The following PCDHGB6 variants were observed in gnomAD, a reference collection of about 807,000 sequenced individuals.
The protein encoded by PCDHGB6 is protocadherin gamma-B6.
Under a neutral mutation model 59.1 loss-of-function variants are expected in PCDHGB6, and 51 were observed. That is an observed-to-expected ratio of 0.86 (90% CI 0.69 to 1.09). The LOEUF is 1.09. Among genes scored for constraint, PCDHGB6 ranks in the 50% least tolerant of loss-of-function variants. The probability of loss-of-function intolerance (pLI) is 0.00; values close to 1 mark genes in which losing one functional copy is unlikely to be tolerated. For synonymous variants in PCDHGB6, 466 were observed against 495.1 expected, an observed-to-expected ratio of 0.94 and a Z score of 0.78; for missense variants, 1,148 against 1,205.1, an observed-to-expected ratio of 0.95 and a Z score of 0.70.
chr5:141,413,838 G>A, intron 1 of PCDHGB6: 1 of 1,613,284 alleles, frequency 6.2e-7, no homozygotes, highest in Non-Finnish European at 8.5e-7. Context: ...CCTCCGACGG[G>A]GGTGACCCTC....
chr5:141,422,842 G>A (rs756990417), intron 1 of PCDHGB6: 5 of 1,614,228 alleles, frequency 3.1e-6, no homozygotes, highest in South Asian at 1.1e-5. Flanking sequence ...ACGTGACAGC[G>A]GGGACCCGCC....
At chr5:141,416,033 C>T (rs770398549) in intron 1 of PCDHGB6, 22 of 202,600 alleles carry the variant, frequency 1.1e-4, no homozygotes, top group Non-Finnish European at 1.9e-4. Flanking sequence ...AAAGAAATCA[C>T]CTCTGGAAAC....
chr5:141,431,604 G>C lies in PCDHGB6; in HGVS notation c.2418+20984G>C. 1 of 1,614,206 alleles carries C rather than the reference G, an allele frequency of 6.2e-7. No individual in the cohort carries two copies. Among genetic ancestry groups the C allele is most frequent in the South Asian group, 1.1e-5 (1 of 91,088 alleles). On this transcript the variant is annotated intron_variant, in intron 1 of 3. Coordinates refer to ENST00000520790, the MANE Select transcript of PCDHGB6 (RefSeq NM_018926.3). The surrounding 1 kb of genome is among the most constrained non-coding windows in gnomAD (Gnocchi z 4.8). ...AATGCGGAAGTGAGGTATTCCTTCC[G>C]GTATGTGGACGACAAGGCGGCCCAA...
At chr5:141,479,561 G>A (rs1032137833) in intron 1 of PCDHGB6, 1 of 152,270 alleles carries the variant, frequency 6.6e-6, no homozygotes, top group African/African-American at 2.4e-5. Context: ...CTATCCAGTA[G>A]TGGGATGACA....
At chr5:141,465,032 A>C (rs2154568703) in intron 1 of PCDHGB6, among the ~76,000 whole-genome samples, 1 of 151,870 alleles carries the variant, frequency 6.6e-6, no homozygotes, top group Admixed American at 6.6e-5. Context: ...ATGAACCACC[A>C]CAAATGACCC....
intron 1 of PCDHGB6, chr5:141,430,905 C>T: frequency 6.2e-7 from 1 of 1,606,922 alleles, no homozygotes; most frequent in Non-Finnish European, 8.5e-7. Context: ...GGCGACATCT[C>T]CAGGGACCTG....
intron 1 of PCDHGB6, among the ~76,000 whole-genome samples, chr5:141,433,465 C>T (rs1386201581): frequency 6.6e-6 from 1 of 152,060 alleles, no homozygotes; most frequent in Non-Finnish European, 1.5e-5. Context: ...GAAACTTGGG[C>T]TCAGGCTAGC....
chr5:141,432,227 T>C lies in PCDHGB6; in HGVS notation c.2418+21607T>C, dbSNP rs1046414550. On this transcript the variant is annotated intron_variant, in intron 1 of 3. Coordinates refer to ENST00000520790, the MANE Select transcript of PCDHGB6 (RefSeq NM_018926.3). This position sits in a 1 kb window ranked among gnomAD's most constrained non-coding sequence, Gnocchi z 6.0. ...TGAAGAGAACGCCCAGATCACTTATTCCCTGGCTGAGAACACCATCCAAGG... is the reference window on the plus strand; with the variant it reads ...TGAAGAGAACGCCCAGATCACTTATCCCCTGGCTGAGAACACCATCCAAGG... 1.4e-5 allele frequency: 22 copies of C among 1,614,080 alleles called. No individual in the cohort carries two copies. The highest frequency in any genetic ancestry group is 1.8e-5 in the Non-Finnish European group (21 of 1,180,042).
chr5:141,414,866 C>G (rs1413236073), intron 1 of PCDHGB6: 1 of 1,614,230 alleles, frequency 6.2e-7, no homozygotes, highest in Non-Finnish European at 8.5e-7. Flanking sequence ...GACAATGCGC[C>G]CGAGATCCTG....
At chr5:141,428,097 C>T (rs2097109296) in intron 1 of PCDHGB6, 2 of 1,608,758 alleles carry the variant, frequency 1.2e-6, no homozygotes, top group African/African-American at 1.3e-5. Flanking sequence ...GCTGTCCTAC[C>T]ACGTGCTGCA....
chr5:141,491,714 C>A lies in PCDHGB6; in HGVS notation c.2419-3093C>A, dbSNP rs1321811999. On this transcript the variant is annotated intron_variant, in intron 1 of 3. Transcript: ENST00000520790. The surrounding 1 kb of genome is among the most constrained non-coding windows in gnomAD (Gnocchi z 6.9). ...GAGCGGAGCCAGGTGAGGGGCTCGG[C>A]GCCGCCCCGGGCGACCCCTGGGGGC... 2 of 1,608,742 alleles carry A rather than the reference C, an allele frequency of 1.2e-6. No individual in the cohort carries two copies. The highest frequency in any genetic ancestry group is 1.7e-6 in the Non-Finnish European group (2 of 1,177,914).
At chr5:141,467,110 T>C (rs2099137137) in intron 1 of PCDHGB6, among the ~76,000 whole-genome samples, 1 of 151,604 alleles carries the variant, frequency 6.6e-6, no homozygotes, top group Non-Finnish European at 1.5e-5. Context: ...TGGAGTACAA[T>C]GGTGCAATCT....
chr5:141,430,822 G>C lies in PCDHGB6; in HGVS notation c.2418+20202G>C, dbSNP rs752634890. 5.8e-6 allele frequency: 9 copies of C among 1,542,380 alleles called. No homozygotes were observed. The African/African-American group carries it at 1.1e-4, about 19-fold the overall frequency. On this transcript the variant is annotated intron_variant, in intron 1 of 3. Transcript: ENST00000520790. ...TTGTCCTGCTGGGAATCCTCCTGGGGACTCTGTGGGAGACCGGATGCACCC... is the reference window on the plus strand; with the variant it reads ...TTGTCCTGCTGGGAATCCTCCTGGGCACTCTGTGGGAGACCGGATGCACCC...
intron 1 of PCDHGB6, among the ~76,000 whole-genome samples, chr5:141,452,947 G>C (rs2098752833): frequency 6.6e-6 from 1 of 152,144 alleles, no homozygotes; most frequent in Non-Finnish European, 1.5e-5. Flanking sequence ...GCTTGCAATT[G>C]GTTGTCTTTA....
Position 141,410,109 on chromosome 5 carries a change from ACG to A in PCDHGB6, c.1909_1910del (p.Ala637SerfsTer11). The A allele has an allele frequency of 6.2e-7, 1 of 1,612,496 alleles. No homozygotes were observed. The highest frequency in any genetic ancestry group is 8.5e-7 in the Non-Finnish European group (1 of 1,179,644). On this transcript the variant is annotated frameshift_variant, in exon 1 of 4. Coordinates refer to ENST00000520790, the MANE Select transcript of PCDHGB6 (RefSeq NM_018926.3). LOFTEE classifies it high-confidence loss of function. ...ACGGCTCGAGCCTTAGGCGACAGGG[ACG>A]CAGCCCGCCAGCGCCTGCTGGTCGC...
Position 141,486,690 on chromosome 5 carries a change from C to G in PCDHGB6, c.2419-8117C>G. ...AGGAATCGAGATGTATCAGCTTCCTCTTTCATCTCTCTGAACCCCCAGACA... is the reference window on the plus strand; with the variant it reads ...AGGAATCGAGATGTATCAGCTTCCTGTTTCATCTCTCTGAACCCCCAGACA... On this transcript the variant is annotated intron_variant, in intron 1 of 3. Coordinates refer to ENST00000520790, the MANE Select transcript of PCDHGB6 (RefSeq NM_018926.3). The surrounding 1 kb of genome is among the most constrained non-coding windows in gnomAD (Gnocchi z 5.0). 3 of 1,614,144 alleles carry G rather than the reference C, an allele frequency of 1.9e-6. No individual in the cohort carries two copies. The highest frequency in any genetic ancestry group is 2.5e-6 in the Non-Finnish European group (3 of 1,180,036).
chr5:141,410,046 G>T lies in PCDHGB6; in HGVS notation c.1844G>T (p.Gly615Val). ...CACGTGCTGCAGGCCAGTGAGCCCGGACTCTTCAGCCTGGGGCTGCGCACT... is the reference window on the plus strand; with the variant it reads ...CACGTGCTGCAGGCCAGTGAGCCCGTACTCTTCAGCCTGGGGCTGCGCACT... The part of the protein sequence containing the change: ...SYHVLQASEP[G>V]LFSLGLRTGE... The change falls in exon 1 of 4, where the codon GGA (glycine) becomes GTA (valine). Residue 615 changes from glycine (G) to valine (V), a missense_variant. Physicochemically the swap from Gly to Val is moderately radical, Grantham distance 109. Coordinates refer to ENST00000520790, the MANE Select transcript of PCDHGB6 (RefSeq NM_018926.3). The T allele has an allele frequency of 6.2e-7, 1 of 1,613,174 alleles. No individual in the cohort carries two copies. Among genetic ancestry groups the T allele is most frequent in the Non-Finnish European group, 8.5e-7 (1 of 1,179,800 alleles).
chr5:141,411,258 A>G (rs1415319110), intron 1 of PCDHGB6: 1 of 152,200 alleles, frequency 6.6e-6, no homozygotes, highest in African/African-American at 2.4e-5. Flanking sequence ...TATCTTATTT[A>G]TATATTTTTA....
At chr5:141,428,230 C>A in intron 1 of PCDHGB6, 1 of 1,073,982 alleles carries the variant, frequency 9.3e-7, no homozygotes, top group Non-Finnish European at 1.4e-6. Flanking sequence ...CGCAGACAGC[C>A]TGCAGGAGGC....
Sources: gnomAD v4.1 joint callset for allele counts (sites outside exome capture counted in the v4.1 genomes callset) on GRCh38, gnomAD v4.1.1 for gene constraint, Gnocchi (gnomAD v3.1) non-coding constraint, MANE v1.5 for transcripts, NCBI Gene and HGNC (gene_info 2026-07-23, HGNC 2026-07-21) for gene names.